The following WDFY1 variants were observed in gnomAD, a reference collection of about 807,000 sequenced individuals.
WDFY1 encodes the protein WD repeat and FYVE domain containing 1.
In WDFY1, 32 loss-of-function variants were observed where a neutral mutation model predicts 56.4. The observed-to-expected ratio is 0.57, with a 90% CI of 0.43 to 0.76. The LOEUF is 0.76. Among genes scored for constraint, WDFY1 ranks in the 30% least tolerant of loss-of-function variants. The probability of loss-of-function intolerance (pLI) is 0.00; values close to 1 mark genes in which losing one functional copy is unlikely to be tolerated. For synonymous variants in WDFY1, 192 were observed against 197.3 expected, an observed-to-expected ratio of 0.97 and a Z score of 0.23; for missense variants, 480 against 545.7, an observed-to-expected ratio of 0.88 and a Z score of 1.20.
rs573194751 is a variant in WDFY1 at position 223,939,359 on chromosome 2, G to C, written c.137+5789C>G. ...CTCAATATCAGCACTATTGACATTT[G>C]GGGCTCAATAATCCTTTGGTGTGGG... On this transcript the variant is annotated intron_variant, in intron 1 of 11. Coordinates refer to ENST00000233055, the MANE Select transcript of WDFY1 (RefSeq NM_020830.5). 5.9e-5 allele frequency among the ~76,000 whole-genome samples: 9 copies of C among 152,250 alleles called. No individual in the cohort carries two copies. The South Asian group carries it at 1.9e-3, about 32-fold the overall frequency.
At position 223,945,186 on chromosome 2, in the gene WDFY1, G is replaced by A; in HGVS notation, c.99C>T (p.Ile33=). Residue 33 remains isoleucine, a synonymous_variant, in exon 1 of 12, where the codon ATC becomes ATT. Coordinates refer to ENST00000233055, the MANE Select transcript of WDFY1 (RefSeq NM_020830.5). ...CCGTGATCACGCCGTCCTCCTTGGG[G>A]ATGAGCAGCGCGGCCGTGACGGCGT... ...HQDAVTAALL[I]PKEDGVITAS... is the part of the protein sequence containing the mutation. The A allele has an allele frequency of 1.3e-6, 2 of 1,598,596 alleles. No homozygotes were observed. The highest frequency in any genetic ancestry group is 1.1e-5 in the South Asian group (1 of 89,986).
At chr2:223,885,541 A>G (rs1411993943) in intron 8 of WDFY1, among the ~76,000 whole-genome samples, 1 of 152,170 alleles carries the variant, frequency 6.6e-6, no homozygotes, top group Non-Finnish European at 1.5e-5. Flanking sequence ...CCATGGTTAC[A>G]GGGTGTTCAA....
At chr2:223,910,111 T>C (rs112736333) in intron 3 of WDFY1, among the ~76,000 whole-genome samples, 203 of 152,104 alleles carry the variant, frequency 1.3e-3, no homozygotes, top group Non-Finnish European at 2.4e-3. Flanking sequence ...GCTCTCTGCC[T>C]GGCTGGCTCT....
intron 1 of WDFY1, among the ~76,000 whole-genome samples, chr2:223,934,251 G>A (rs1694132674): frequency 6.6e-6 from 1 of 151,806 alleles, no homozygotes; most frequent in South Asian, 2.1e-4. Flanking sequence ...ACCTCACCCA[G>A]CTAATTTTTG....
intron 8 of WDFY1, among the ~76,000 whole-genome samples, chr2:223,890,283 C>T (rs957954321): frequency 1.3e-5 from 2 of 152,072 alleles, no homozygotes; most frequent in Admixed American, 1.3e-4. Flanking sequence ...ACCAGCCTGG[C>T]CAACATGGTG....
intron 1 of WDFY1, among the ~76,000 whole-genome samples, chr2:223,943,818 G>GT (rs1689354655): frequency 6.6e-6 from 1 of 152,196 alleles, no homozygotes; most frequent in Non-Finnish European, 1.5e-5. Context: ...GGCTTCACCA[G>GT]TATCTCTGTA....
intron 1 of WDFY1, among the ~76,000 whole-genome samples, chr2:223,920,251 C>G (rs1460957893): frequency 1.3e-5 from 2 of 152,358 alleles, no homozygotes; most frequent in East Asian, 3.9e-4. Flanking sequence ...GGCCAGCACA[C>G]CAGTGACCCG....
At position 223,877,855 on chromosome 2, in the gene WDFY1, T is replaced by C. The variant is rs954340071; in HGVS notation, c.*816A>G. On this transcript the variant is annotated 3_prime_UTR_variant, in exon 12 of 12. Coordinates refer to ENST00000233055, the MANE Select transcript of WDFY1 (RefSeq NM_020830.5). The stretch of plus-strand genomic sequence containing the variant: ...TTTCGCATCACAGTGGTGGCTGGGT[T>C]TTCCATCAGTCATTACTAATGGCAA... 6.6e-6 allele frequency: 1 copy of C among 152,588 alleles called. No individual in the cohort carries two copies. Among genetic ancestry groups the C allele is most frequent in the African/African-American group, 2.4e-5 (1 of 41,428 alleles). 9.5% of individuals were successfully genotyped at this position (152,588 alleles called of 1,614,324 possible). A position where few individuals can be genotyped will look rare whatever the true frequency, so the allele number is the denominator to read the frequency against.
At chr2:223,911,818 CTTTT>C in intron 3 of WDFY1, among the ~76,000 whole-genome samples, 1 of 141,392 alleles carries the variant, frequency 7.1e-6, no homozygotes, top group Non-Finnish European at 1.6e-5. Flanking sequence ...CTGAATTAAA[CTTTT>C]TTTTTTTTTT....
intron 1 of WDFY1, among the ~76,000 whole-genome samples, chr2:223,934,081 C>CTTTTTTTTTTT (rs201021204): frequency 1.6e-4 from 22 of 136,154 alleles, no homozygotes; most frequent in East Asian, 9.2e-4. Context: ...TTTTTCTTTT[C>CTTTTTTTTTTT]TTTTTTTTTT....
intron 1 of WDFY1, among the ~76,000 whole-genome samples, chr2:223,937,995 G>T (rs1273799784): frequency 6.6e-6 from 1 of 152,086 alleles, no homozygotes; most frequent in African/African-American, 2.4e-5. Flanking sequence ...AATAAACTTA[G>T]ATATATCTAA....
Position 223,876,958 on chromosome 2 carries a change from A to C in WDFY1, c.*1713T>G, listed in dbSNP as rs1270891786. ...CTTACCACTACTCAATTTTTCTTCC[A>C]AACTATGTTAGTAATATACATTTTG... On this transcript the variant is annotated 3_prime_UTR_variant, in exon 12 of 12. Transcript: ENST00000233055. The C allele has an allele frequency of 1.3e-5, 2 of 152,248 alleles. No homozygotes were observed. The highest frequency in any genetic ancestry group is 4.8e-5 in the African/African-American group (2 of 41,472). The allele number at this position is 152,248 out of a possible 1,614,324, so 9.4% of individuals were successfully genotyped here.
chr2:223,928,305 G>C (rs1694018884), intron 1 of WDFY1, among the ~76,000 whole-genome samples: 1 of 152,160 alleles, frequency 6.6e-6, no homozygotes. Context: ...AGGTATGCTT[G>C]TATCAAATCA....
chr2:223,904,754 G>A (rs188142630), intron 4 of WDFY1, among the ~76,000 whole-genome samples: 1 of 152,258 alleles, frequency 6.6e-6, no homozygotes, highest in Admixed American at 6.5e-5. Flanking sequence ...AATAAAATGA[G>A]GCTAAATGTC....
chr2:223,907,756 C>T (rs1474937802), intron 3 of WDFY1, among the ~76,000 whole-genome samples: 2 of 152,244 alleles, frequency 1.3e-5, no homozygotes, highest in Non-Finnish European at 1.5e-5. Context: ...CCAGCACCCT[C>T]ACCTGCCGCC....
intron 4 of WDFY1, among the ~76,000 whole-genome samples, chr2:223,904,110 T>C (rs886096656): frequency 1.3e-5 from 2 of 152,206 alleles, no homozygotes; most frequent in Non-Finnish European, 2.9e-5. Flanking sequence ...GCTTCTGGTG[T>C]TATAATAACA....
intron 1 of WDFY1, among the ~76,000 whole-genome samples, chr2:223,927,540 C>G (rs1174612852): frequency 6.6e-6 from 1 of 152,196 alleles, no homozygotes; most frequent in Non-Finnish European, 1.5e-5. Flanking sequence ...AGGATTAAGG[C>G]CTTGCTCTGG....
At position 223,945,296 on chromosome 2, in the gene WDFY1, G is replaced by T. The variant is rs768175349; in HGVS notation, c.-12C>A. On this transcript the variant is annotated 5_prime_UTR_variant, in exon 1 of 12. An upstream open reading frame in the 5' UTR gains an earlier in-frame stop. Coordinates refer to ENST00000233055, the MANE Select transcript of WDFY1 (RefSeq NM_020830.5). Reference sequence around the variant, plus strand: ...ATTTCGGCCGCCATGTTCGCGCGGCGACTGCTGCGGCCTCCTCGGCAGGCA... The same window carrying T: ...ATTTCGGCCGCCATGTTCGCGCGGCTACTGCTGCGGCCTCCTCGGCAGGCA... 3 of 1,562,798 alleles carry T rather than the reference G, an allele frequency of 1.9e-6. No individual in the cohort carries two copies. The highest frequency in any genetic ancestry group is 2.6e-6 in the Non-Finnish European group (3 of 1,162,296).
chr2:223,945,289 G>C lies in WDFY1; in HGVS notation c.-5C>G, dbSNP rs762726538. 6.4e-7 allele frequency: 1 copy of C among 1,567,480 alleles called. No homozygotes were observed. The highest frequency in any genetic ancestry group is 8.6e-7 in the Non-Finnish European group (1 of 1,163,936). ...GGAGTGGATTTCGGCCGCCATGTTC[G>C]CGCGGCGACTGCTGCGGCCTCCTCG... On this transcript the variant is annotated 5_prime_UTR_variant, in exon 1 of 12. Transcript: ENST00000233055.
Sources: allele counts gnomAD v4.1 joint callset (sites outside exome capture counted in the v4.1 genomes callset), GRCh38; gene constraint gnomAD v4.1.1; transcripts MANE v1.5; gene names NCBI Gene and HGNC (gene_info 2026-07-23, HGNC 2026-07-21).